PTPRM: variants seen among roughly 807,000 people sequenced by gnomAD.
PTPRM encodes protein tyrosine phosphatase receptor type M, also known as receptor-type tyrosine-protein phosphatase mu.
PTPRM carries 47 observed loss-of-function variants against 186.7 expected under a neutral mutation model. The ratio of observed to expected loss-of-function variants is 0.25; its 90% CI spans 0.20 to 0.32. PTPRM has a LOEUF of 0.32. Ranked by LOEUF, PTPRM falls within the 10% of genes least tolerant of loss-of-function variation. The probability of loss-of-function intolerance (pLI) is 1.00; values close to 1 mark genes in which losing one functional copy is unlikely to be tolerated. For missense variants in PTPRM, 1,494 were observed against 1,865.0 expected, an observed-to-expected ratio of 0.80 and a Z score of 3.66; for synonymous variants, 668 against 674.9, an observed-to-expected ratio of 0.99 and a Z score of 0.16.
chr18:7,648,448 A>G (rs1421568829), intron 1 of PTPRM, among the ~76,000 whole-genome samples: 2 of 152,332 alleles, frequency 1.3e-5, no homozygotes, highest in South Asian at 2.1e-4. Flanking sequence ...TGAGGAAAGC[A>G]TGTTGAAAGC....
chr18:8,247,973 A>G, intron 16 of PTPRM, 54 bp downstream of exon 16: 1 of 1,462,070 alleles, frequency 6.8e-7, no homozygotes, highest in African/African-American at 1.4e-5. Flanking sequence ...AGTCAGAATC[A>G]CTCCGCCCTC....
chr18:7,795,111 T>C (rs1326849594), intron 2 of PTPRM, among the ~76,000 whole-genome samples: 2 of 152,222 alleles, frequency 1.3e-5, no homozygotes, highest in African/African-American at 4.8e-5. Flanking sequence ...ATTCACGGGC[T>C]TCACTCAGGC....
At chr18:7,687,548 T>C (rs1454074306) in intron 1 of PTPRM, among the ~76,000 whole-genome samples, 2 of 152,196 alleles carry the variant, frequency 1.3e-5, no homozygotes, top group Non-Finnish European at 2.9e-5. Flanking sequence ...TAGGAAACCT[T>C]CCTGATGATA....
rs1202877227 is a variant in PTPRM at position 7,568,275 on chromosome 18, C to T, written c.73+384C>T. 1.3e-5 allele frequency among the ~76,000 whole-genome samples: 2 copies of T among 151,806 alleles called. No homozygotes were observed. Among genetic ancestry groups the T allele is most frequent in the Non-Finnish European group, 2.9e-5 (2 of 67,890 alleles). Reference sequence around the variant, plus strand: ...TTCCCAGTTGCAGCCGCCGGGCCGCCTGGCGTAGGCGCTGCGCGGTCCCCG... The same window carrying T: ...TTCCCAGTTGCAGCCGCCGGGCCGCTTGGCGTAGGCGCTGCGCGGTCCCCG... On this transcript the variant is annotated intron_variant, in intron 1 of 32. Coordinates refer to ENST00000580170, the MANE Select transcript of PTPRM (RefSeq NM_001105244.2). The surrounding 1 kb of genome is among the most constrained non-coding windows in gnomAD (Gnocchi z 5.1).
intron 5 of PTPRM, among the ~76,000 whole-genome samples, chr18:7,935,993 A>G (rs2051781019): frequency 6.6e-6 from 1 of 152,148 alleles, no homozygotes; most frequent in Non-Finnish European, 1.5e-5. Context: ...TTCTTCTTTT[A>G]TTATATTCAG....
intron 14 of PTPRM, among the ~76,000 whole-genome samples, chr18:8,150,438 G>A (rs1027833638): frequency 2.0e-5 from 3 of 151,294 alleles, no homozygotes; most frequent in Admixed American, 6.6e-5. Context: ...TGATTGATTC[G>A]GCTATTGATA....
intron 23 of PTPRM, among the ~76,000 whole-genome samples, chr18:8,368,288 T>A (rs1330887579): frequency 1.3e-5 from 2 of 151,734 alleles, no homozygotes; most frequent in African/African-American, 4.8e-5. Flanking sequence ...AAATTAGACA[T>A]CTCCACAAAT....
At chr18:8,095,846 C>T (rs2090990736) in intron 11 of PTPRM, among the ~76,000 whole-genome samples, 2 of 152,074 alleles carry the variant, frequency 1.3e-5, no homozygotes, top group Non-Finnish European at 2.9e-5. Flanking sequence ...AAAGTGAATA[C>T]TAGAACGCTT....
intron 2 of PTPRM, among the ~76,000 whole-genome samples, chr18:7,828,629 T>C (rs1163554157): frequency 1.3e-5 from 2 of 152,136 alleles, no homozygotes; most frequent in Non-Finnish European, 2.9e-5. Context: ...GTGGCGGAAG[T>C]GTGCTGTGCA....
intron 2 of PTPRM, among the ~76,000 whole-genome samples, chr18:7,842,861 CATAT>C (rs57856136): frequency 1.2e-5 from 1 of 80,946 alleles, no homozygotes; most frequent in South Asian, 4.6e-4. Context: ...GAGAGAGAAA[CATAT>C]ATATATATAT....
chr18:8,202,523 G>A (rs182154521), intron 14 of PTPRM, among the ~76,000 whole-genome samples: 4 of 151,806 alleles, frequency 2.6e-5, no homozygotes, highest in African/African-American at 9.7e-5. Context: ...AGGGGAGAAA[G>A]ATTAAGATGT....
In PTPRM at chr18:8,296,440, G is replaced by A. The variant is rs1194899995; in HGVS notation, c.2827G>A (p.Gly943Arg). Residue 943 changes from glycine (G) to arginine (R), a missense_variant, in exon 20 of 33, where the codon GGG becomes AGG. Physicochemically the swap from Gly to Arg is moderately radical, Grantham distance 125 (BLOSUM62 -2). Transcript: ENST00000580170. ...KDENRMKNRY[G>R]NIIAYDHSRV... ...TGAGAACAGAATGAAGAACAGATAC[G>A]GGAATATCATTGCATGTAAGTGTCA... 4 of 1,605,594 alleles carry A rather than the reference G, an allele frequency of 2.5e-6. No homozygotes were observed. Among genetic ancestry groups the A allele is most frequent in the Non-Finnish European group, 1.7e-6 (2 of 1,172,382 alleles).
chr18:7,955,863 G>T (rs1353847032), intron 7 of PTPRM, among the ~76,000 whole-genome samples: 1 of 152,188 alleles, frequency 6.6e-6, no homozygotes, highest in East Asian at 1.9e-4. Flanking sequence ...TCATTGATGA[G>T]TGTTTAATGG....
chr18:8,073,697 G>A (rs1289739824), intron 8 of PTPRM, among the ~76,000 whole-genome samples: 5 of 152,166 alleles, frequency 3.3e-5, no homozygotes, highest in Non-Finnish European at 7.4e-5. Flanking sequence ...TTGAGCCCAG[G>A]AGATTGAGAC....
intron 3 of PTPRM, among the ~76,000 whole-genome samples, chr18:7,899,448 G>A (rs1166347411): frequency 6.6e-6 from 1 of 152,110 alleles, no homozygotes; most frequent in Non-Finnish European, 1.5e-5. Flanking sequence ...AGGATTGACT[G>A]TATTTTCTGT....
chr18:7,907,171 G>A (rs1171828225), intron 4 of PTPRM, among the ~76,000 whole-genome samples: 2 of 152,198 alleles, frequency 1.3e-5, no homozygotes. Flanking sequence ...TGTCATATTT[G>A]TATGTGAACC....
intron 14 of PTPRM, among the ~76,000 whole-genome samples, chr18:8,203,345 A>T (rs2146866546): frequency 6.6e-6 from 1 of 151,484 alleles, no homozygotes; most frequent in South Asian, 2.1e-4. Flanking sequence ...GTATTAAAAG[A>T]AAACAACAAC....
intron 1 of PTPRM, among the ~76,000 whole-genome samples, chr18:7,590,415 A>AG (rs2037094765): frequency 6.6e-6 from 1 of 152,166 alleles, no homozygotes; most frequent in African/African-American, 2.4e-5. Flanking sequence ...GCACACCTGG[A>AG]GGGTGGAAAG....
At chr18:7,842,244 G>C (rs1031565197) in intron 2 of PTPRM, among the ~76,000 whole-genome samples, 1 of 152,210 alleles carries the variant, frequency 6.6e-6, no homozygotes, top group African/African-American at 2.4e-5. Flanking sequence ...AATTATGTGA[G>C]AACAATAGGT....
Sources: allele counts gnomAD v4.1 joint callset (sites outside exome capture counted in the v4.1 genomes callset), GRCh38; gene constraint gnomAD v4.1.1; non-coding constraint Gnocchi (gnomAD v3.1); transcripts MANE v1.5; gene names NCBI Gene and HGNC (gene_info 2026-07-23, HGNC 2026-07-21).